PER1: variants seen among roughly 807,000 people sequenced by gnomAD.
PER1 encodes period circadian protein homolog 1.
PER1 carries 87 observed loss-of-function variants against 125.9 expected under a neutral mutation model. The ratio of observed to expected loss-of-function variants is 0.69; its 90% CI spans 0.58 to 0.83. PER1 has a LOEUF of 0.83. Ranked by LOEUF, PER1 falls within the 40% of genes least tolerant of loss-of-function variation. The pLI is 0.00. For synonymous variants in PER1, 801 were observed against 714.7 expected, an observed-to-expected ratio of 1.12 and a Z score of -1.93; for missense variants, 1,775 against 1,722.8, an observed-to-expected ratio of 1.03 and a Z score of -0.54.
intron 17 of PER1, 69 bp downstream of exon 17, chr17:8,145,889 A>T: frequency 6.7e-6 from 10 of 1,502,570 alleles, no homozygotes; most frequent in South Asian, 2.6e-5. Flanking sequence ...GGGAGGGGAA[A>T]GGCAGGAGGG....
At chr17:8,141,524 G>A (rs572657734) in intron 22 of PER1, among the ~76,000 whole-genome samples, 184 bp from the exon 23 acceptor site, 5 of 152,206 alleles carry the variant, frequency 3.3e-5, no homozygotes, top group Non-Finnish European at 5.9e-5. Context: ...CCCAGATGCC[G>A]TTACAGGACA....
intron 16 of PER1, 41 bp downstream of exon 16, chr17:8,146,331 C>G: frequency 6.4e-7 from 1 of 1,567,698 alleles, no homozygotes; most frequent in Non-Finnish European, 8.7e-7. Context: ...GGCCACCAGG[C>G]CAGGACGGGG....
At position 8,143,252 on chromosome 17, in the gene PER1, G is replaced by A; in HGVS notation, c.3072+14C>T. 6.8e-7 allele frequency: 1 copy of A among 1,471,036 alleles called. No individual in the cohort carries two copies. The highest frequency in any genetic ancestry group is 9.0e-7 in the Non-Finnish European group (1 of 1,109,060). The allele number at this position is 1,471,036 out of a possible 1,614,324, so 91.1% of individuals were successfully genotyped here. A position where few individuals can be genotyped will look rare whatever the true frequency, so the allele number is the denominator to read the frequency against. On this transcript the variant is annotated intron_variant, in intron 19 of 22. Coordinates refer to ENST00000317276, the MANE Select transcript of PER1 (RefSeq NM_002616.3). ...GGTGGGGGCTGGCAGGCAGACGCAG[G>A]GGTCAGTGCTCACCAGTCTGGCCTC... is the stretch of plus-strand genomic sequence containing the variant.
At chr17:8,143,931 C>A (rs1982262617) in intron 18 of PER1, 55 bp from the exon 19 acceptor site, 4 of 1,546,914 alleles carry the variant, frequency 2.6e-6, no homozygotes, top group Non-Finnish European at 2.6e-6. Context: ...AGTACCCCTG[C>A]TACCCACACT....
Position 8,149,546 on chromosome 17 carries a change from G to T in PER1, c.769C>A (p.Leu257Ile), listed in dbSNP as rs200541583. The T allele has an allele frequency of 1.2e-6, 2 of 1,613,828 alleles. No individual in the cohort carries two copies. Among genetic ancestry groups the T allele is most frequent in the African/African-American group, 1.3e-5 (1 of 74,918 alleles). ...DVFRGTRFSE[L>I]LAPQDVGVFY... Reference sequence around the variant, plus strand: ...ACTCCCACATCCTGGGGAGCCAGGAGCTCAGAGAAGCGGGTACCCCGGAAC... The same window carrying T: ...ACTCCCACATCCTGGGGAGCCAGGATCTCAGAGAAGCGGGTACCCCGGAAC... The change falls in exon 6 of 23, where the codon CTC (leucine) becomes ATC (isoleucine). Residue 257 changes from leucine (L) to isoleucine (I), a missense_variant. Leu to Ile is a conservative substitution (Grantham distance 5). Coordinates refer to ENST00000317276, the MANE Select transcript of PER1 (RefSeq NM_002616.3).
chr17:8,149,057 C>CGG (rs1434043091), intron 7 of PER1: 3 of 618,146 alleles, frequency 4.9e-6, no homozygotes, highest in East Asian at 2.9e-5. Context: ...GGCGTGGTGG[C>CGG]GCATGCCTGT....
At position 8,148,097 on chromosome 17, in the gene PER1, G is replaced by A; in HGVS notation, c.1134C>T (p.Ala378=). Residue 378 remains alanine (A), a synonymous_variant, in exon 10 of 23, where the codon GCC becomes GCT. Coordinates refer to ENST00000317276, the MANE Select transcript of PER1 (RefSeq NM_002616.3). Reference sequence around the variant, plus strand: ...CCTGGGGCAGGTAGCCCAGCAGGGGGGCAGCCCTGAACGGGAAGGAGGCAT... The same window carrying A: ...CCTGGGGCAGGTAGCCCAGCAGGGGAGCAGCCCTGAACGGGAAGGAGGCAT... ...CLFQDVDERA[A]PLLGYLPQDL... The A allele has an allele frequency of 1.2e-6, 2 of 1,612,842 alleles. No individual in the cohort carries two copies. Among genetic ancestry groups the A allele is most frequent in the African/African-American group, 1.3e-5 (1 of 74,986 alleles).
intron 15 of PER1, 33 bp downstream of exon 15, chr17:8,146,561 C>T (rs1296462383): frequency 1.9e-6 from 3 of 1,601,520 alleles, no homozygotes; most frequent in Non-Finnish European, 1.7e-6. Context: ...AGGGTTAGAG[C>T]CCGAGGTGGA....
At position 8,147,788 on chromosome 17, in the gene PER1, A is replaced by AT; in HGVS notation, c.1273dup (p.Ile425AsnfsTer44). ...CTCCCCGTTGCGGGCACAGAAGCGG[A>AT]TAGGGGAGTGGTCAAAGGGCTGGCC... On this transcript the variant is annotated frameshift_variant, in exon 11 of 23. Transcript: ENST00000317276. LOFTEE classifies it high-confidence loss of function. 1 of 1,614,010 alleles carries AT rather than the reference A, an allele frequency of 6.2e-7. No homozygotes were observed. The highest frequency in any genetic ancestry group is 8.5e-7 in the Non-Finnish European group (1 of 1,179,996).
rs139467756 is a variant in PER1 at position 8,142,672 on chromosome 17, C to T, written c.3236G>A (p.Gly1079Asp). 3 of 1,613,964 alleles carry T rather than the reference C, an allele frequency of 1.9e-6. No homozygotes were observed. Among genetic ancestry groups the T allele is most frequent in the South Asian group, 1.1e-5 (1 of 91,076 alleles). Reference protein sequence around the residue: ...SGSGSGSHEGGSTSASITRSS... With the variant: ...SGSGSGSHEGDSTSASITRSS... ...ACGAGTGATGCTGGCTGAGGTGCTG[C>T]CCCCTTCATGGGAGCCTGAACCAGA... The change falls in exon 20 of 23, where the codon GGC becomes GAC. Residue 1079 changes from glycine (G) to aspartate (D), a missense_variant. Physicochemically the swap from Gly to Asp is moderately conservative, Grantham distance 94 (BLOSUM62 -1). Coordinates refer to ENST00000317276, the MANE Select transcript of PER1 (RefSeq NM_002616.3).
intron 20 of PER1, 37 bp downstream of exon 20, chr17:8,142,612 G>A (rs753838274): frequency 1.4e-5 from 23 of 1,607,938 alleles, no homozygotes; most frequent in East Asian, 6.7e-5. Context: ...CCCAATCACT[G>A]CCCTACCCTG....
At position 8,142,649 on chromosome 17, in the gene PER1, G is replaced by C; in HGVS notation, c.3259C>G (p.Arg1087Gly). The C allele has an allele frequency of 6.2e-7, 1 of 1,613,766 alleles. No individual in the cohort carries two copies. The highest frequency in any genetic ancestry group is 2.2e-5 in the East Asian group (1 of 44,880). ...GAGATGCTGGAGGCGGGGTACTCAC[G>C]AGTGATGCTGGCTGAGGTGCTGCCC... is the stretch of plus-strand genomic sequence containing the variant. ...EGGSTSASIT[R>G]SSQSSHTSKY... The change falls in exon 20 of 23, where the codon CGC (arginine) becomes GGC (glycine). Residue 1087 changes from arginine to glycine, a missense_variant and splice_region_variant. By Grantham distance (125) the Arg-to-Gly change is moderately radical. Transcript: ENST00000317276.
chr17:8,143,317 A>C lies in PER1; in HGVS notation c.3021T>G (p.Ser1007Arg), dbSNP rs1598246856. ...GAAVAGGPGS[S>R]AGPPPPSAEA... ...CCGCACTGGGAGGTGGGGGCCCGGC[A>C]CTGCTCCCAGGGCCTCCTGCAACAG... Residue 1007 changes from serine to arginine, a missense_variant, in exon 19 of 23, where the codon AGT (serine) becomes AGG (arginine). Physicochemically the swap from Ser to Arg is moderately radical, Grantham distance 110. Coordinates refer to ENST00000317276, the MANE Select transcript of PER1 (RefSeq NM_002616.3). The C allele has an allele frequency of 1.3e-6, 2 of 1,598,846 alleles. No homozygotes were observed. The highest frequency in any genetic ancestry group is 1.7e-6 in the Non-Finnish European group (2 of 1,171,710).
Position 8,145,005 on chromosome 17 carries a change from G to A in PER1, c.2219-12C>T, listed in dbSNP as rs772471152. 85 of 1,461,176 alleles carry A rather than the reference G, an allele frequency of 5.8e-5. No homozygotes were observed. Among genetic ancestry groups the A allele is most frequent in the Non-Finnish European group, 7.3e-5 (81 of 1,104,462 alleles). 90.5% of individuals were successfully genotyped at this position (1,461,176 alleles called of 1,614,324 possible). On this transcript the variant is annotated splice_polypyrimidine_tract_variant and intron_variant, in intron 17 of 22. Transcript: ENST00000317276. ...CATCATGATGATGTCTGAGGAGAGT[G>A]AGATAGGGAAAGGTCATCAGAACCA...
intron 18 of PER1, 152 bp from the exon 19 acceptor site, chr17:8,144,028 G>T: frequency 2.5e-6 from 3 of 1,215,350 alleles, no homozygotes; most frequent in Non-Finnish European, 2.2e-6. Context: ...TCAGGAGGTG[G>T]GGCACCTTCA....
At position 8,146,451 on chromosome 17, in the gene PER1, G is replaced by C. The variant is rs766152619; in HGVS notation, c.1959C>G (p.Ser653=). Reference sequence around the variant, plus strand: ...CTGAGGAGGTGGTATAGGAGGAGGAGGAGGCACATTTACGCTTAGTGGTGC... The same window carrying C: ...CTGAGGAGGTGGTATAGGAGGAGGACGAGGCACATTTACGCTTAGTGGTGC... ...LPSTTKRKCA[S]SSSYTTSSAS... Residue 653 remains serine, a synonymous_variant, in exon 16 of 23, where the codon TCC becomes TCG. Transcript: ENST00000317276. 2 of 1,613,872 alleles carry C rather than the reference G, an allele frequency of 1.2e-6. No individual in the cohort carries two copies. Among genetic ancestry groups the C allele is most frequent in the Middle Eastern group, 1.7e-4 (1 of 6,060 alleles).
At chr17:8,143,167 C>A in intron 19 of PER1, 99 bp downstream of exon 19, 1 of 925,500 alleles carries the variant, frequency 1.1e-6, no homozygotes, top group Non-Finnish European at 1.6e-6. Context: ...CTCCTGGAGG[C>A]TGAGACGCCA....
intron 8 of PER1, among the ~76,000 whole-genome samples, 185 bp from the exon 9 acceptor site, chr17:8,148,444 G>A (rs921130522): frequency 1.3e-5 from 2 of 152,188 alleles, no homozygotes; most frequent in African/African-American, 2.4e-5. Context: ...GAGCAAGCAA[G>A]GCATTCTTCT....
intron 16 of PER1, 24 bp from the exon 17 acceptor site, chr17:8,146,161 T>C (rs759091071): frequency 1.3e-6 from 2 of 1,568,732 alleles, no homozygotes; most frequent in Admixed American, 3.7e-5. Flanking sequence ...TGGTGCCAGT[T>C]ACCATCCCCA....
Sources: gnomAD v4.1 joint callset for allele counts (sites outside exome capture counted in the v4.1 genomes callset) on GRCh38, gnomAD v4.1.1 for gene constraint, MANE v1.5 for transcripts, NCBI Gene and HGNC (gene_info 2026-07-23, HGNC 2026-07-21) for gene names.